The following BANP variants were observed in gnomAD, a reference collection of about 807,000 sequenced individuals.
The protein encoded by BANP is protein BANP.
Under a neutral mutation model 68.1 loss-of-function variants are expected in BANP, and 11 were observed. The ratio of observed to expected loss-of-function variants is 0.16; its 90% CI spans 0.10 to 0.27. BANP has a LOEUF of 0.27. BANP is among the 10% of genes least tolerant of loss of function. The pLI is 1.00. For missense variants in BANP, 504 were observed against 722.7 expected (o/e 0.70, Z 3.47); for synonymous variants, 329 against 303.2 (o/e 1.09, Z -0.88).
rs141416661 is a variant in BANP, at chr16:87,961,808, C to T, written c.-69+10293C>T. Among the ~76,000 whole-genome samples the T allele has an allele frequency of 2.5e-3, 373 of 152,238 alleles. 1 individual carries two copies. In the Middle Eastern group the frequency reaches 0.034, roughly 14 times the overall value. ...CATTTATAGACTAATGGGCTCTCCT[C>T]GTGGTGGGTTAGTGATCATGACAGG... On this transcript the variant is annotated intron_variant, in intron 1 of 13. Transcript: ENST00000682872.
At chr16:88,019,637 C>G (rs1226032767) in intron 7 of BANP, among the ~76,000 whole-genome samples, 22 of 51,234 alleles carry the variant, frequency 4.3e-4, no homozygotes, top group African/African-American at 2.2e-3. Context: ...TGCGGGATCT[C>G]AGCGTGCGGG....
At position 88,006,218 on chromosome 16, in the gene BANP, G is replaced by C. The variant is rs1944242403; in HGVS notation, c.608G>C (p.Ser203Thr). The C allele has an allele frequency of 6.2e-7, 1 of 1,613,004 alleles. No individual in the cohort carries two copies. Among genetic ancestry groups the C allele is most frequent in the African/African-American group, 1.3e-5 (1 of 74,954 alleles). The part of the protein sequence containing the change: ...DSVSSCGQAG[S>T]QSIGSNVTLI... ...GTGTCCAGCTGTGGGCAGGCGGGCA[G>C]TCAGAGCATCGGGAGCAACGTCACG... Residue 203 changes from serine to threonine, a missense_variant, in exon 6 of 14, where the codon AGT becomes ACT. By Grantham distance (58) the Ser-to-Thr change is moderately conservative. This residue lies in a region of BANP where 238 missense variants were observed against 278.9 expected (regional missense o/e 0.85). Transcript: ENST00000682872.
intron 1 of BANP, among the ~76,000 whole-genome samples, chr16:87,954,128 G>C (rs2057555940): frequency 6.6e-6 from 1 of 152,064 alleles, no homozygotes; most frequent in Admixed American, 6.5e-5. Context: ...AGGAGTTCCT[G>C]TTTGTGATGG....
At position 88,057,447 on chromosome 16, in the gene BANP, G is replaced by A. The variant is rs2085358311; in HGVS notation, c.1312-7820G>A. On this transcript the variant is annotated intron_variant, in intron 11 of 13. Transcript: ENST00000682872. This position sits in a 1 kb window ranked among gnomAD's most constrained non-coding sequence, Gnocchi z 4.6. Reference sequence around the variant, plus strand: ...GGCTGAAGGTGAGCCTTCTCCAGGGGGATGCCCTGGAGACTCTTGCGGTCC... The same window carrying A: ...GGCTGAAGGTGAGCCTTCTCCAGGGAGATGCCCTGGAGACTCTTGCGGTCC... Among the ~76,000 whole-genome samples, 1 of 152,008 alleles carries A rather than the reference G, an allele frequency of 6.6e-6. No homozygotes were observed. Among genetic ancestry groups the A allele is most frequent in the South Asian group, 2.1e-4 (1 of 4,818 alleles).
intron 11 of BANP, among the ~76,000 whole-genome samples, chr16:88,058,996 G>T (rs887264674): frequency 7.2e-5 from 11 of 151,966 alleles, no homozygotes; most frequent in African/African-American, 2.7e-4. Context: ...CTCCAGTGGT[G>T]TCCCTCACGC....
intron 8 of BANP, among the ~76,000 whole-genome samples, chr16:88,029,096 C>G (rs1349053423): frequency 6.6e-5 from 10 of 151,432 alleles, no homozygotes; most frequent in Admixed American, 6.6e-5. Context: ...CACCTGAGGT[C>G]AGCAGTTTGA....
chr16:87,976,852 T>C (rs2062241791), intron 2 of BANP, among the ~76,000 whole-genome samples: 1 of 152,204 alleles, frequency 6.6e-6, no homozygotes, highest in South Asian at 2.1e-4. Flanking sequence ...GCATATTATT[T>C]TACAAATCCC....
intron 4 of BANP, among the ~76,000 whole-genome samples, chr16:87,991,596 C>G (rs1277037538): frequency 1.3e-5 from 2 of 152,196 alleles, no homozygotes; most frequent in African/African-American, 4.8e-5. Context: ...TTTCAGTGTT[C>G]AGCTTCTGTG....
chr16:88,057,769 G>T lies in BANP; in HGVS notation c.1312-7498G>T, dbSNP rs530568221. Among the ~76,000 whole-genome samples, 1 of 150,146 alleles carries T rather than the reference G, an allele frequency of 6.7e-6. No individual in the cohort carries two copies. The highest frequency in any genetic ancestry group is 6.6e-5 in the Admixed American group (1 of 15,102). Reference sequence around the variant, plus strand: ...CTGGGTGGGGCGGGGGGGGGGGTGCGTGCAGTGACTCGCGCTGGCCCTGTC... The same window carrying T: ...CTGGGTGGGGCGGGGGGGGGGGTGCTTGCAGTGACTCGCGCTGGCCCTGTC... On this transcript the variant is annotated intron_variant, in intron 11 of 13. Transcript: ENST00000682872. The surrounding 1 kb of genome is among the most constrained non-coding windows in gnomAD (Gnocchi z 4.6).
chr16:88,069,980 C>T (rs2089898569), intron 12 of BANP, among the ~76,000 whole-genome samples: 1 of 152,216 alleles, frequency 6.6e-6, no homozygotes, highest in Non-Finnish European at 1.5e-5. Flanking sequence ...CCCCAGTCAG[C>T]ATGCGGACGG....
At chr16:87,991,390 T>G (rs1324589601) in intron 4 of BANP, among the ~76,000 whole-genome samples, 1 of 152,246 alleles carries the variant, frequency 6.6e-6, no homozygotes, top group South Asian at 2.1e-4. Flanking sequence ...GTTGTAATGA[T>G]TATGCACATT....
chr16:87,966,232 A>G (rs1013553222), intron 1 of BANP, among the ~76,000 whole-genome samples: 5 of 152,062 alleles, frequency 3.3e-5, no homozygotes, highest in African/African-American at 1.2e-4. Context: ...TCTGCTGTAC[A>G]TTCAGGGTGT....
At position 88,076,700 on chromosome 16, in the gene BANP, C is replaced by T. The variant is rs1331573569; in HGVS notation, c.*39C>T. On this transcript the variant is annotated 3_prime_UTR_variant, in exon 14 of 14. Coordinates refer to ENST00000682872, the MANE Select transcript of BANP (RefSeq NM_001386991.1). ...CACCAGGAGCCCCTCGCCGGCTCCG[C>T]CTACGGCCCGGCCCCCACGCGCCCT... 6.4e-7 allele frequency: 1 copy of T among 1,564,060 alleles called. No individual in the cohort carries two copies. Among genetic ancestry groups the T allele is most frequent in the Admixed American group, 1.7e-5 (1 of 57,972 alleles).
chr16:87,983,046 G>T (rs2063585151), intron 3 of BANP, among the ~76,000 whole-genome samples: 1 of 152,078 alleles, frequency 6.6e-6, no homozygotes, highest in Non-Finnish European at 1.5e-5. Context: ...GGCTGCCTCA[G>T]TGCCACCCCT....
chr16:87,981,922 C>T (rs1224001735), intron 3 of BANP, among the ~76,000 whole-genome samples: 2 of 152,186 alleles, frequency 1.3e-5, no homozygotes, highest in Non-Finnish European at 2.9e-5. Flanking sequence ...AGGTAAATAT[C>T]GGCACATGTG....
chr16:87,952,837 T>A (rs2144377662), intron 1 of BANP: 1 of 152,330 alleles, frequency 6.6e-6, no homozygotes, highest in Middle Eastern at 3.4e-3. Context: ...TGCAGTATCG[T>A]GATCTTGGCT....
At chr16:88,027,957 C>T (rs1384168677) in intron 8 of BANP, among the ~76,000 whole-genome samples, 1 of 152,234 alleles carries the variant, frequency 6.6e-6, no homozygotes, top group Admixed American at 6.5e-5. Context: ...GGCTGCCGGC[C>T]GTTGTATTCT....
At chr16:88,030,986 A>C (rs1237833741) in intron 8 of BANP, among the ~76,000 whole-genome samples, 1 of 152,248 alleles carries the variant, frequency 6.6e-6, no homozygotes, top group Non-Finnish European at 1.5e-5. Context: ...CTGGTTTTGT[A>C]GGTGCTAAGA....
At chr16:87,958,574 G>A (rs2058541754) in intron 1 of BANP, among the ~76,000 whole-genome samples, 1 of 137,290 alleles carries the variant, frequency 7.3e-6, no homozygotes, top group Admixed American at 7.5e-5. Flanking sequence ...GTGGCCCAAA[G>A]CTCCCAGCGC....
Sources: allele counts gnomAD v4.1 joint callset (sites outside exome capture counted in the v4.1 genomes callset), GRCh38; gene constraint gnomAD v4.1.1; regional missense constraint gnomAD v4.1.1; non-coding constraint Gnocchi (gnomAD v3.1); transcripts MANE v1.5; gene names NCBI Gene and HGNC (gene_info 2026-07-23, HGNC 2026-07-21).